CRTC3: variants seen among roughly 807,000 people sequenced by gnomAD.
CRTC3 encodes CREB-regulated transcription coactivator 3.
Under a neutral mutation model 74.5 loss-of-function variants are expected in CRTC3, and 26 were observed. That is an observed-to-expected ratio of 0.35 (90% CI 0.26 to 0.48). CRTC3 has a LOEUF of 0.48. Ranked by LOEUF, CRTC3 falls within the 20% of genes least tolerant of loss-of-function variation. The pLI is 0.99. For missense variants in CRTC3, 760 were observed against 787.3 expected, an observed-to-expected ratio of 0.97 and a Z score of 0.41; for synonymous variants, 377 against 325.8, an observed-to-expected ratio of 1.16 and a Z score of -1.69.
chr15:90,593,944 G>T (rs1298435968), intron 3 of CRTC3, 189 bp downstream of exon 3: 3 of 510,912 alleles, frequency 5.9e-6, no homozygotes, highest in South Asian at 4.5e-5. Context: ...ATCATTGTAG[G>T]TGTTTATGAA....
chr15:90,612,262 G>A (rs1449380122), intron 6 of CRTC3, among the ~76,000 whole-genome samples: 1 of 152,044 alleles, frequency 6.6e-6, no homozygotes, highest in Non-Finnish European at 1.5e-5. Context: ...GATGATAATA[G>A]CATCTACGTC....
intron 7 of CRTC3, among the ~76,000 whole-genome samples, chr15:90,616,167 C>G (rs762395403): frequency 6.6e-6 from 1 of 152,110 alleles, no homozygotes; most frequent in Non-Finnish European, 1.5e-5. Context: ...AAAATACGCT[C>G]TTCAAAAGAG....
At chr15:90,546,858 C>T (rs879300514) in intron 2 of CRTC3, among the ~76,000 whole-genome samples, 22 of 152,108 alleles carry the variant, frequency 1.4e-4, no homozygotes, top group African/African-American at 4.3e-4. Context: ...CTCCTGACCT[C>T]GTGATCCACC....
At chr15:90,542,548 G>A (rs1019216362) in intron 2 of CRTC3, among the ~76,000 whole-genome samples, 1 of 152,046 alleles carries the variant, frequency 6.6e-6, no homozygotes, top group Non-Finnish European at 1.5e-5. Flanking sequence ...ATATTTCACT[G>A]TGTTTTTCCT....
At chr15:90,603,310 G>A (rs913982167) in intron 4 of CRTC3, among the ~76,000 whole-genome samples, 1 of 149,534 alleles carries the variant, frequency 6.7e-6, no homozygotes, top group Non-Finnish European at 1.5e-5. Flanking sequence ...GGGCGTGGTG[G>A]CAGGCGCCTG....
At chr15:90,623,327 T>C (rs1450665832) in intron 9 of CRTC3, among the ~76,000 whole-genome samples, 1 of 152,192 alleles carries the variant, frequency 6.6e-6, no homozygotes, top group African/African-American at 2.4e-5. Context: ...GTCGGTTGCC[T>C]CCTGTACGTA....
intron 3 of CRTC3, among the ~76,000 whole-genome samples, chr15:90,596,997 A>G (rs941810497): frequency 2.0e-5 from 3 of 152,274 alleles, no homozygotes; most frequent in Admixed American, 6.5e-5. Flanking sequence ...GCCTCCTCTC[A>G]GAGTGGGCAG....
rs878857853 is a variant in CRTC3, at chr15:90,642,673, C to T, written c.*533C>T. 6.4e-5 allele frequency: 15 copies of T among 233,256 alleles called. No homozygotes were observed. The highest frequency in any genetic ancestry group is 2.7e-4 in the Admixed American group (5 of 18,230). 14.4% of individuals were successfully genotyped at this position (233,256 alleles called of 1,614,324 possible). On this transcript the variant is annotated 3_prime_UTR_variant, in exon 15 of 15. Transcript: ENST00000268184. ...GAGTGGACCCCACGGCTCTCTCCCA[C>T]GCCTGGATTACGACATGAAGTTTTT...
At chr15:90,567,119 C>G (rs1303856366) in intron 2 of CRTC3, among the ~76,000 whole-genome samples, 1 of 152,118 alleles carries the variant, frequency 6.6e-6, no homozygotes, top group Non-Finnish European at 1.5e-5. Flanking sequence ...TTGTTAGAGA[C>G]TAATGCAGCT....
chr15:90,639,942 G>A (rs367666518), intron 13 of CRTC3, among the ~76,000 whole-genome samples: 12 of 152,064 alleles, frequency 7.9e-5, no homozygotes, highest in South Asian at 6.2e-4. Flanking sequence ...CCAGCTACTC[G>A]GGAGGCTGAG....
At chr15:90,541,746 T>G (rs762591714) in intron 2 of CRTC3, among the ~76,000 whole-genome samples, 1 of 151,416 alleles carries the variant, frequency 6.6e-6, no homozygotes, top group East Asian at 1.9e-4. Context: ...CATTGGGGAA[T>G]GGGATAAAAT....
intron 1 of CRTC3, among the ~76,000 whole-genome samples, chr15:90,534,205 A>G (rs1384358316): frequency 5.3e-5 from 8 of 152,080 alleles, no homozygotes; most frequent in Admixed American, 5.2e-4. Flanking sequence ...GGAGGTGGAA[A>G]GGGCCAGATT....
chr15:90,614,520 G>A, intron 7 of CRTC3, 32 bp downstream of exon 7: 3 of 1,469,688 alleles, frequency 2.0e-6, no homozygotes, highest in Non-Finnish European at 2.9e-6. Flanking sequence ...CTATATTGGA[G>A]TGGGATGCTG....
intron 2 of CRTC3, among the ~76,000 whole-genome samples, chr15:90,592,856 T>A (rs538091685): frequency 2.0e-5 from 3 of 152,160 alleles, no homozygotes; most frequent in Non-Finnish European, 2.9e-5. Flanking sequence ...GTGGCCAAGA[T>A]ATTTTGATTT....
At chr15:90,597,350 G>A (rs1235581320) in intron 3 of CRTC3, among the ~76,000 whole-genome samples, 1 of 144,058 alleles carries the variant, frequency 6.9e-6, no homozygotes, top group East Asian at 2.1e-4. Context: ...CAGCCTTGTG[G>A]ATGACACGCT....
rs1048285080 is a variant in CRTC3 at position 90,644,523 on chromosome 15, G to A, written c.*2383G>A. 8.6e-6 allele frequency: 2 copies of A among 232,612 alleles called. No homozygotes were observed. The allele number at this position is 232,612 out of a possible 1,614,324, so 14.4% of individuals were successfully genotyped here. Reference sequence around the variant, plus strand: ...CAGTGAACCCTACTGCCCCAAAGGCGTTCTCCAGGTGACTTGTGAAAACAG... The same window carrying A: ...CAGTGAACCCTACTGCCCCAAAGGCATTCTCCAGGTGACTTGTGAAAACAG... On this transcript the variant is annotated 3_prime_UTR_variant, in exon 15 of 15. Transcript: ENST00000268184.
At chr15:90,567,691 A>AAATAAATAAATAAATAAAT (rs1967157274) in intron 2 of CRTC3, among the ~76,000 whole-genome samples, 6 of 145,680 alleles carry the variant, frequency 4.1e-5, no homozygotes. Flanking sequence ...TCCGTCTCAA[A>AAATAAATAAATAAATAAAT]AAATAAATAA....
intron 11 of CRTC3, among the ~76,000 whole-genome samples, chr15:90,630,022 C>T (rs1283387562): frequency 6.6e-6 from 1 of 152,166 alleles, no homozygotes; most frequent in Non-Finnish European, 1.5e-5. Context: ...CTGCACCCAG[C>T]CTAATTAATG....
chr15:90,583,076 G>T (rs116111123), intron 2 of CRTC3, among the ~76,000 whole-genome samples: 1 of 151,690 alleles, frequency 6.6e-6, no homozygotes, highest in Non-Finnish European at 1.5e-5. Flanking sequence ...GAGCTCAAGC[G>T]ATCCTCCCAC....
Sources: gnomAD v4.1 joint callset for allele counts (sites outside exome capture counted in the v4.1 genomes callset) on GRCh38, gnomAD v4.1.1 for gene constraint, MANE v1.5 for transcripts, NCBI Gene and HGNC (gene_info 2026-07-23, HGNC 2026-07-21) for gene names.